The following PRKG1 variants were observed in gnomAD, a reference collection of about 807,000 sequenced individuals.
PRKG1 encodes the protein cGMP-dependent protein kinase 1.
In PRKG1, 35 loss-of-function variants were observed where a neutral mutation model predicts 88.1. That is an observed-to-expected ratio of 0.40 (90% CI 0.30 to 0.53). PRKG1 has a LOEUF of 0.53. Among genes scored for constraint, PRKG1 ranks in the 20% least tolerant of loss-of-function variants. The pLI is 0.59. For synonymous variants in PRKG1, 303 were observed against 292.5 expected (o/e 1.04, Z -0.37); for missense variants, 540 against 839.8 (o/e 0.64, Z 4.41).
intron 5 of PRKG1, among the ~76,000 whole-genome samples, chr10:51,922,370 A>G (rs1329745220): frequency 1.3e-5 from 2 of 150,836 alleles, no homozygotes; most frequent in African/African-American, 2.4e-5. Flanking sequence ...GATTTTCTCT[A>G]CTGTGTTTTT....
chr10:51,150,585 T>C lies in PRKG1; in HGVS notation c.312-2579T>C, dbSNP rs568176393. Among the ~76,000 whole-genome samples the C allele has an allele frequency of 1.1e-4, 16 of 152,266 alleles. No homozygotes were observed. In the East Asian group the frequency reaches 2.9e-3, roughly 28 times the overall value. Reference sequence around the variant, plus strand: ...TTGTGACAATTCAGAAATAATGCTATTTGGCAATATCTGTATGAAGGTATA... The same window carrying C: ...TTGTGACAATTCAGAAATAATGCTACTTGGCAATATCTGTATGAAGGTATA... On this transcript the variant is annotated intron_variant, in intron 1 of 17. Transcript: ENST00000373980.
chr10:51,879,646 C>T (rs1314907656), intron 4 of PRKG1, among the ~76,000 whole-genome samples: 2 of 152,154 alleles, frequency 1.3e-5, no homozygotes, highest in East Asian at 1.9e-4. Context: ...AAACCTGCCT[C>T]CCTTGGTAGG....
chr10:51,278,629 A>G (rs561237275), intron 2 of PRKG1, among the ~76,000 whole-genome samples: 1 of 152,242 alleles, frequency 6.6e-6, no homozygotes, highest in South Asian at 2.1e-4. Flanking sequence ...CCTCAATTTC[A>G]GACCTGTTAT....
At chr10:51,947,789 C>A (rs1327934974) in intron 5 of PRKG1, among the ~76,000 whole-genome samples, 1 of 152,060 alleles carries the variant, frequency 6.6e-6, no homozygotes, top group Non-Finnish European at 1.5e-5. Context: ...GGACTGAATT[C>A]CTTCAGGTCA....
At position 51,871,357 on chromosome 10, in the gene PRKG1, C is replaced by T. The variant is rs143692347; in HGVS notation, c.699-36150C>T. 2.4e-3 allele frequency among the ~76,000 whole-genome samples: 367 copies of T among 152,274 alleles called. 2 individuals carry two copies. The highest frequency in any genetic ancestry group is 8.5e-3 in the African/African-American group (355 of 41,562). On this transcript the variant is annotated intron_variant, in intron 4 of 17. Transcript: ENST00000373980. ...CAATGAAGCTACTCTAAGCCTGGTT[C>T]ATGTGTGATCCCACGTCTTCTTGCT...
intron 9 of PRKG1, among the ~76,000 whole-genome samples, chr10:52,166,791 A>ATATATATATATATATT (rs748533502): frequency 2.7e-5 from 1 of 36,874 alleles, no homozygotes; most frequent in African/African-American, 1.1e-4. Context: ...AAAAGCCTAT[A>ATATATATATATATATT]TATATACATA....
intron 4 of PRKG1, among the ~76,000 whole-genome samples, chr10:51,867,309 T>C (rs1329643923): frequency 1.3e-5 from 2 of 152,106 alleles, no homozygotes; most frequent in African/African-American, 2.4e-5. Flanking sequence ...GCTAAATAAT[T>C]GGGTTTTATT....
intron 3 of PRKG1, among the ~76,000 whole-genome samples, chr10:51,567,111 T>C (rs1391615025): frequency 6.6e-6 from 1 of 152,054 alleles, no homozygotes; most frequent in Admixed American, 6.6e-5. Flanking sequence ...AATTAGAAAA[T>C]ACTATACATA....
intron 7 of PRKG1, among the ~76,000 whole-genome samples, chr10:52,082,007 G>A (rs1298801440): frequency 6.6e-6 from 1 of 152,130 alleles, no homozygotes; most frequent in Non-Finnish European, 1.5e-5. Flanking sequence ...ATGTTTAATT[G>A]ACTCACAGTT....
intron 5 of PRKG1, among the ~76,000 whole-genome samples, chr10:51,942,809 T>C (rs1442234521): frequency 1.3e-5 from 2 of 151,256 alleles, no homozygotes; most frequent in Admixed American, 6.6e-5. Flanking sequence ...TCCATTGATC[T>C]ATATCTCTGT....
chr10:52,034,283 T>G (rs10733893), intron 5 of PRKG1, among the ~76,000 whole-genome samples: 140,115 of 141,780 alleles, frequency 0.99, 69,271 homozygotes, highest in Middle Eastern at 1. Context: ...AATTTTTGGG[T>G]GGTGGTATGG....
intron 1 of PRKG1, among the ~76,000 whole-genome samples, chr10:51,115,894 T>A (rs1474426478): frequency 1.3e-5 from 2 of 151,166 alleles, no homozygotes; most frequent in Non-Finnish European, 2.9e-5. Flanking sequence ...TTAAGAATTG[T>A]CATAGTGCAA....
chr10:51,560,914 A>G (rs901522895), intron 3 of PRKG1, among the ~76,000 whole-genome samples: 1 of 151,982 alleles, frequency 6.6e-6, no homozygotes, highest in African/African-American at 2.4e-5. Flanking sequence ...ATGTACCACA[A>G]CTAAAATAAA....
intron 3 of PRKG1, among the ~76,000 whole-genome samples, chr10:51,745,379 G>A (rs890131145): frequency 3.3e-5 from 5 of 152,092 alleles, no homozygotes; most frequent in Middle Eastern, 3.4e-3. Context: ...ACAGGAAGGC[G>A]CAAAGATTTC....
chr10:51,959,346 G>A (rs11000284), intron 5 of PRKG1, among the ~76,000 whole-genome samples: 2,292 of 152,210 alleles, frequency 0.015, 66 homozygotes, highest in African/African-American at 0.053. Flanking sequence ...AATTTGCTAG[G>A]CAGTCAAGGA....
chr10:52,169,749 A>G (rs1186610632), intron 9 of PRKG1, among the ~76,000 whole-genome samples: 1 of 152,216 alleles, frequency 6.6e-6, no homozygotes, highest in African/African-American at 2.4e-5. Context: ...CAGAAACAGG[A>G]TTCAATGAGC....
At chr10:51,864,648 T>C (rs1840970002) in intron 4 of PRKG1, among the ~76,000 whole-genome samples, 1 of 152,192 alleles carries the variant, frequency 6.6e-6, no homozygotes, top group African/African-American at 2.4e-5. Context: ...GAAGATTGGG[T>C]ATATTTACAG....
chr10:51,564,198 G>GAAA (rs1202892643), intron 3 of PRKG1, among the ~76,000 whole-genome samples: 2 of 150,618 alleles, frequency 1.3e-5, no homozygotes, highest in Non-Finnish European at 2.9e-5. Context: ...AGACAGTAAT[G>GAAA]AAAAAATAAA....
chr10:51,257,610 T>G (rs1839598562), intron 2 of PRKG1, among the ~76,000 whole-genome samples: 1 of 152,176 alleles, frequency 6.6e-6, no homozygotes, highest in Non-Finnish European at 1.5e-5. Context: ...CTTTGTTGTG[T>G]GTTAGCTCTT....
Sources: allele counts gnomAD v4.1 joint callset (sites outside exome capture counted in the v4.1 genomes callset), GRCh38; gene constraint gnomAD v4.1.1; transcripts MANE v1.5; gene names NCBI Gene and HGNC (gene_info 2026-07-23, HGNC 2026-07-21).